KANSL1L: variants seen among roughly 807,000 people sequenced by gnomAD.
KANSL1L encodes the protein KAT8 regulatory NSL complex subunit 1 like.
A neutral mutation model predicts 108.6 loss-of-function variants in KANSL1L; 25 were observed. The observed-to-expected ratio is 0.23, with a 90% CI of 0.17 to 0.32. KANSL1L has a LOEUF of 0.32. Among genes scored for constraint, KANSL1L ranks in the 10% least tolerant of loss-of-function variants. The pLI, the probability that KANSL1L is intolerant of heterozygous loss-of-function variation, is 1.00. For synonymous variants in KANSL1L, 405 were observed against 395.1 expected, an observed-to-expected ratio of 1.03 and a Z score of -0.30; for missense variants, 1,137 against 1,125.7, an observed-to-expected ratio of 1.01 and a Z score of -0.14.
intron 2 of KANSL1L, among the ~76,000 whole-genome samples, chr2:210,136,839 A>T (rs1410243960): frequency 6.6e-6 from 1 of 152,230 alleles, no homozygotes; most frequent in Non-Finnish European, 1.5e-5. Flanking sequence ...ACTACCACTA[A>T]GCCAGAATCA....
intron 8 of KANSL1L, among the ~76,000 whole-genome samples, chr2:210,036,910 C>T (rs2094110813): frequency 6.6e-6 from 1 of 151,978 alleles, no homozygotes; most frequent in Non-Finnish European, 1.5e-5. Flanking sequence ...GTGCACGCCA[C>T]CATGCCCAGC....
At chr2:210,161,557 A>C (rs1372784328) in intron 1 of KANSL1L, among the ~76,000 whole-genome samples, 1 of 152,240 alleles carries the variant, frequency 6.6e-6, no homozygotes, top group African/African-American at 2.4e-5. Flanking sequence ...TTATTCACAA[A>C]AAGTTGCTAA....
chr2:210,129,453 C>G (rs2095099748), intron 2 of KANSL1L, among the ~76,000 whole-genome samples: 1 of 152,054 alleles, frequency 6.6e-6, no homozygotes, highest in African/African-American at 2.4e-5. Flanking sequence ...AGGTCTTAAA[C>G]AGAGATAAAC....
At chr2:210,041,892 G>C (rs986102069) in intron 7 of KANSL1L, among the ~76,000 whole-genome samples, 5 of 152,230 alleles carry the variant, frequency 3.3e-5, no homozygotes, top group African/African-American at 1.2e-4. Flanking sequence ...GAGGTAAGAT[G>C]AGTTTGAATC....
At position 210,156,349 on chromosome 2, in the gene KANSL1L, G is replaced by C. The variant is rs556293836; in HGVS notation, c.-29-1738C>G. 2.0e-5 allele frequency among the ~76,000 whole-genome samples: 3 copies of C among 151,976 alleles called. No individual in the cohort carries two copies. In the South Asian group the frequency reaches 6.2e-4, roughly 32 times the overall value. ...GGTTCAGTAATTTGACCACAATGTAGAAAATGTGTTTGTCAAACACATTTT... is the reference window on the plus strand; with the variant it reads ...GGTTCAGTAATTTGACCACAATGTACAAAATGTGTTTGTCAAACACATTTT... On this transcript the variant is annotated intron_variant, in intron 1 of 14. Transcript: ENST00000281772.
chr2:210,112,397 T>C (rs906377134), intron 3 of KANSL1L, among the ~76,000 whole-genome samples: 5 of 152,130 alleles, frequency 3.3e-5, no homozygotes, highest in Non-Finnish European at 5.9e-5. Context: ...AATAATCACA[T>C]TGACAGTAGA....
At chr2:210,109,904 G>T (rs1374295431) in intron 3 of KANSL1L, among the ~76,000 whole-genome samples, 1 of 151,992 alleles carries the variant, frequency 6.6e-6, no homozygotes. Context: ...TTTAGGAACT[G>T]CAAAGCTCTT....
intron 3 of KANSL1L, among the ~76,000 whole-genome samples, chr2:210,106,222 T>A (rs2094845430): frequency 6.6e-6 from 1 of 152,150 alleles, no homozygotes; most frequent in Non-Finnish European, 1.5e-5. Context: ...GAAACACAAG[T>A]TCCACCTTAT....
chr2:210,089,943 A>G (rs920948323), intron 5 of KANSL1L, among the ~76,000 whole-genome samples: 2 of 151,914 alleles, frequency 1.3e-5, no homozygotes, highest in Non-Finnish European at 2.9e-5. Context: ...CAGCTGGCCT[A>G]CTGTGCCATC....
chr2:210,101,791 A>G (rs2125422084), intron 4 of KANSL1L, among the ~76,000 whole-genome samples: 1 of 152,238 alleles, frequency 6.6e-6, no homozygotes, highest in East Asian at 1.9e-4. Context: ...TTTAACAAAT[A>G]CAGGGTGGAA....
chr2:210,115,637 C>T (rs763295522), intron 3 of KANSL1L, among the ~76,000 whole-genome samples: 1 of 152,186 alleles, frequency 6.6e-6, no homozygotes, highest in Non-Finnish European at 1.5e-5. Flanking sequence ...GCACAGATGA[C>T]CTTACTGACA....
intron 2 of KANSL1L, among the ~76,000 whole-genome samples, chr2:210,139,768 G>T (rs1331689887): frequency 6.7e-6 from 1 of 148,738 alleles, no homozygotes; most frequent in African/African-American, 2.5e-5. Flanking sequence ...TTGAGACAGG[G>T]TCTCTTTCTG....
intron 6 of KANSL1L, among the ~76,000 whole-genome samples, chr2:210,054,962 A>C (rs1298201421): frequency 6.6e-6 from 1 of 152,242 alleles, no homozygotes; most frequent in Non-Finnish European, 1.5e-5. Flanking sequence ...GTACAAAATC[A>C]GTAGTACATA....
chr2:210,068,925 G>T (rs1454412961), intron 6 of KANSL1L, among the ~76,000 whole-genome samples: 3 of 152,074 alleles, frequency 2.0e-5, no homozygotes, highest in African/African-American at 7.2e-5. Context: ...GCAAAAGTTT[G>T]TCTCTGCTCT....
intron 4 of KANSL1L, among the ~76,000 whole-genome samples, chr2:210,101,367 C>T (rs2125420154): frequency 6.6e-6 from 1 of 152,096 alleles, no homozygotes; most frequent in South Asian, 2.1e-4. Context: ...CATCTCAGGT[C>T]CAACCTAAAA....
At chr2:210,036,889 T>C (rs897975605) in intron 8 of KANSL1L, among the ~76,000 whole-genome samples, 1 of 152,074 alleles carries the variant, frequency 6.6e-6, no homozygotes, top group Non-Finnish European at 1.5e-5. Context: ...CCCAAGTAGC[T>C]AGGACAACAG....
chr2:210,159,061 C>T (rs959680976), intron 1 of KANSL1L, among the ~76,000 whole-genome samples: 14 of 152,156 alleles, frequency 9.2e-5, no homozygotes, highest in African/African-American at 3.4e-4. Context: ...AGAAGATGCG[C>T]AACAAATAAC....
At chr2:210,053,488 T>C (rs2094315473) in intron 6 of KANSL1L, among the ~76,000 whole-genome samples, 2 of 152,026 alleles carry the variant, frequency 1.3e-5, no homozygotes, top group Non-Finnish European at 2.9e-5. Context: ...TCTCAGCTAC[T>C]TGAGGGGCTG....
intron 6 of KANSL1L, among the ~76,000 whole-genome samples, chr2:210,060,661 T>A (rs982350601): frequency 6.6e-6 from 1 of 152,190 alleles, no homozygotes; most frequent in Non-Finnish European, 1.5e-5. Context: ...TACCAGAGAT[T>A]AGCAGGTCAA....
Sources: allele counts gnomAD v4.1 joint callset (sites outside exome capture counted in the v4.1 genomes callset), GRCh38; gene constraint gnomAD v4.1.1; transcripts MANE v1.5; gene names NCBI Gene and HGNC (gene_info 2026-07-23, HGNC 2026-07-21).